ANKS4B: variants seen among roughly 807,000 people sequenced by gnomAD.
ANKS4B encodes the protein ankyrin repeat and sterile alpha motif domain containing 4B, also known as ankyrin repeat and SAM domain-containing protein 4B.
Under a neutral mutation model 20.2 loss-of-function variants are expected in ANKS4B, and 21 were observed. That is an observed-to-expected ratio of 1.04 (90% CI 0.74 to 1.50). ANKS4B has a LOEUF of 1.50. ANKS4B is among the 40% of genes most tolerant of loss of function. The pLI, the probability that ANKS4B is intolerant of heterozygous loss-of-function variation, is 0.00. For missense variants in ANKS4B, 473 were observed against 494.6 expected (o/e 0.96, Z 0.41); for synonymous variants, 179 against 194.5 (o/e 0.92, Z 0.66).
chr16:21,248,751 A>G (rs2093335331), intron 1 of ANKS4B, among the ~76,000 whole-genome samples: 1 of 152,150 alleles, frequency 6.6e-6, no homozygotes, highest in Admixed American at 6.5e-5. Flanking sequence ...ATATAAACTT[A>G]TAATTTAACA....
At chr16:21,245,669 T>G (rs564816066) in intron 1 of ANKS4B, among the ~76,000 whole-genome samples, 3 of 152,146 alleles carry the variant, frequency 2.0e-5, no homozygotes, top group Non-Finnish European at 4.4e-5. Context: ...TTCACCATGT[T>G]GAATAGGCTG....
chr16:21,245,458 G>A (rs565253836), intron 1 of ANKS4B, among the ~76,000 whole-genome samples: 42 of 150,172 alleles, frequency 2.8e-4, no homozygotes, highest in African/African-American at 8.6e-4. Context: ...AAAACTGGAA[G>A]TGATTGATTG....
rs977012007 is a variant in ANKS4B at position 21,252,295 on chromosome 16, T to G, written c.*1475T>G. On this transcript the variant is annotated 3_prime_UTR_variant, in exon 2 of 2. Coordinates refer to ENST00000311620, the MANE Select transcript of ANKS4B (RefSeq NM_145865.3). ...GTGGAAGGCACACAGAGAGGCCACG[T>G]GAGGACACAGTGAGAAGGTGGCCGT... 3.9e-5 allele frequency: 6 copies of G among 152,422 alleles called. No individual in the cohort carries two copies. Among genetic ancestry groups the G allele is most frequent in the African/African-American group, 1.2e-4 (5 of 41,580 alleles). 9.4% of individuals were successfully genotyped at this position (152,422 alleles called of 1,614,324 possible).
intron 1 of ANKS4B, among the ~76,000 whole-genome samples, chr16:21,247,661 A>G (rs1294983060): frequency 1.3e-5 from 2 of 152,178 alleles, no homozygotes; most frequent in Non-Finnish European, 2.9e-5. Context: ...GCATTGGCGC[A>G]TGGCTCTGGC....
intron 1 of ANKS4B, among the ~76,000 whole-genome samples, chr16:21,240,284 T>C (rs1272997292): frequency 6.6e-6 from 1 of 151,966 alleles, no homozygotes; most frequent in East Asian, 1.9e-4. Context: ...CTAGACTTTT[T>C]CCCCCAGATT....
At position 21,250,739 on chromosome 16, in the gene ANKS4B, C is replaced by T. The variant is rs1240892155; in HGVS notation, c.1173C>T (p.Pro391=). The stretch of plus-strand genomic sequence containing the variant: ...AGAGCATACAAATGCAGCTGGGTCC[C>T]AGGAAGAAAGTTCTGAATGCTATCA... The part of the protein sequence containing the change: ...DLQSIQMQLG[P]RKKVLNAINR... The change falls in exon 2 of 2, where the codon CCC becomes CCT. Residue 391 remains proline (P), a synonymous_variant. Coordinates refer to ENST00000311620, the MANE Select transcript of ANKS4B (RefSeq NM_145865.3). The T allele has an allele frequency of 6.2e-7, 1 of 1,609,536 alleles. No individual in the cohort carries two copies. Among genetic ancestry groups the T allele is most frequent in the Non-Finnish European group, 8.5e-7 (1 of 1,176,284 alleles).
chr16:21,234,619 C>T (rs968527889), intron 1 of ANKS4B, among the ~76,000 whole-genome samples: 1 of 151,740 alleles, frequency 6.6e-6, no homozygotes, highest in South Asian at 2.1e-4. Context: ...AACCGTAACC[C>T]AAGAGGGGTA....
chr16:21,238,362 T>G (rs545808307), intron 1 of ANKS4B, among the ~76,000 whole-genome samples: 35 of 152,318 alleles, frequency 2.3e-4, no homozygotes, highest in African/African-American at 8.2e-4. Context: ...TCTCCTTGAT[T>G]GATAAAAACA....
rs1034643334 is a variant in ANKS4B, at chr16:21,251,001, A to G, written c.*181A>G. 2.8e-6 allele frequency: 2 copies of G among 726,446 alleles called. No homozygotes were observed. Among genetic ancestry groups the G allele is most frequent in the Non-Finnish European group, 4.2e-6 (2 of 478,514 alleles). The allele number at this position is 726,446 out of a possible 1,614,324, so 45.0% of individuals were successfully genotyped here. A position where few individuals can be genotyped will look rare whatever the true frequency, so the allele number is the denominator to read the frequency against. On this transcript the variant is annotated 3_prime_UTR_variant, in exon 2 of 2. Coordinates refer to ENST00000311620, the MANE Select transcript of ANKS4B (RefSeq NM_145865.3). Reference sequence around the variant, plus strand: ...AGGTAGGCTATGCCCATCCAAATAAATCTCCATGAGAAACTTGAGGAGACT... The same window carrying G: ...AGGTAGGCTATGCCCATCCAAATAAGTCTCCATGAGAAACTTGAGGAGACT...
At chr16:21,249,284 G>A (rs866922651) in intron 1 of ANKS4B, among the ~76,000 whole-genome samples, 4 of 152,148 alleles carry the variant, frequency 2.6e-5, no homozygotes, top group South Asian at 2.1e-4. Flanking sequence ...AGGAGTTTGC[G>A]ACCAGCCTGG....
chr16:21,237,535 G>A (rs1341513530), intron 1 of ANKS4B, among the ~76,000 whole-genome samples: 1 of 151,834 alleles, frequency 6.6e-6, no homozygotes, highest in Non-Finnish European at 1.5e-5. Context: ...TTCCAAGATG[G>A]TGCCTTGTTG....
chr16:21,251,467 C>T lies in ANKS4B; in HGVS notation c.*647C>T, dbSNP rs2093339408. On this transcript the variant is annotated 3_prime_UTR_variant, in exon 2 of 2. Transcript: ENST00000311620. ...ATGCATGACAGGAAAATGAAAGAAA[C>T]TTCCTTTACTTTTCTATCTCTGGAT... 1 of 152,204 alleles carries T rather than the reference C, an allele frequency of 6.6e-6. No individual in the cohort carries two copies. The highest frequency in any genetic ancestry group is 1.5e-5 in the Non-Finnish European group (1 of 68,036). The allele number at this position is 152,204 out of a possible 1,614,324, so 9.4% of individuals were successfully genotyped here.
In ANKS4B at chr16:21,240,240, T is replaced by C. The variant is rs757623297; in HGVS notation, c.164+6339T>C. On this transcript the variant is annotated intron_variant, in intron 1 of 1. Coordinates refer to ENST00000311620, the MANE Select transcript of ANKS4B (RefSeq NM_145865.3). ...AAATTCATTTTACCTTTAAAGTGTATGAAATTTCTTGGTTTTATTTTTTAA... is the reference window on the plus strand; with the variant it reads ...AAATTCATTTTACCTTTAAAGTGTACGAAATTTCTTGGTTTTATTTTTTAA... Among the ~76,000 whole-genome samples the C allele has an allele frequency of 2.8e-4, 43 of 152,262 alleles. 2 individuals carry two copies. The Middle Eastern group carries it at 0.024, about 84-fold the overall frequency.
chr16:21,246,428 G>A (rs2093332347), intron 1 of ANKS4B, among the ~76,000 whole-genome samples: 1 of 152,188 alleles, frequency 6.6e-6, no homozygotes, highest in South Asian at 2.1e-4. Flanking sequence ...TAAATTGTGG[G>A]AGTTAAGAGT....
intron 1 of ANKS4B, 128 bp from the exon 2 acceptor site, chr16:21,249,603 T>C: frequency 9.1e-7 from 1 of 1,098,768 alleles, no homozygotes; most frequent in Non-Finnish European, 1.3e-6. Context: ...CTTATAACAA[T>C]GTCAAGTCAG....
At position 21,233,720 on chromosome 16, in the gene ANKS4B, T is replaced by C. The variant is rs1170972373; in HGVS notation, c.-18T>C. The C allele has an allele frequency of 6.2e-7, 1 of 1,611,954 alleles. No individual in the cohort carries two copies. The highest frequency in any genetic ancestry group is 2.2e-5 in the East Asian group (1 of 44,850). ...CTGCCTGGAGAGACATCTGGCCAAG[T>C]TCTGGTGAGCAGGAAAAATGTCTAC... On this transcript the variant is annotated 5_prime_UTR_variant, in exon 1 of 2. Coordinates refer to ENST00000311620, the MANE Select transcript of ANKS4B (RefSeq NM_145865.3).
chr16:21,247,382 G>A (rs1567226930), intron 1 of ANKS4B, among the ~76,000 whole-genome samples: 1 of 152,134 alleles, frequency 6.6e-6, no homozygotes, highest in Non-Finnish European at 1.5e-5. Flanking sequence ...CACAGGTGAT[G>A]CATCTGCTTC....
intron 1 of ANKS4B, among the ~76,000 whole-genome samples, chr16:21,234,428 T>G (rs1358814405): frequency 6.6e-6 from 1 of 151,808 alleles, no homozygotes; most frequent in Non-Finnish European, 1.5e-5. Flanking sequence ...TTGCTGGCTC[T>G]ACAAGGACTC....
At position 21,250,573 on chromosome 16, in the gene ANKS4B, T is replaced by C; in HGVS notation, c.1007T>C (p.Val336Ala). The part of the protein sequence containing the change: ...KDDLPWDDDE[V>A]EWEEDVVDAT... ...GATCTGCCGTGGGATGACGATGAAG[T>C]GGAGTGGGAGGAAGATGTGGTCGAT... The change falls in exon 2 of 2, where the codon GTG (valine) becomes GCG (alanine). Residue 336 changes from valine (V) to alanine (A), a missense_variant. By Grantham distance (64) the Val-to-Ala change is moderately conservative. Coordinates refer to ENST00000311620, the MANE Select transcript of ANKS4B (RefSeq NM_145865.3). 6.2e-7 allele frequency: 1 copy of C among 1,613,952 alleles called. No individual in the cohort carries two copies. Among genetic ancestry groups the C allele is most frequent in the Middle Eastern group, 1.6e-4 (1 of 6,062 alleles).
Sources: allele counts gnomAD v4.1 joint callset (sites outside exome capture counted in the v4.1 genomes callset), GRCh38; gene constraint gnomAD v4.1.1; transcripts MANE v1.5; gene names NCBI Gene and HGNC (gene_info 2026-07-23, HGNC 2026-07-21).